The following RRM2 variants were observed in gnomAD, a reference collection of about 807,000 sequenced individuals.
RRM2 encodes ribonucleoside-diphosphate reductase subunit M2.
RRM2 carries 6 observed loss-of-function variants against 45.9 expected under a neutral mutation model. The ratio of observed to expected loss-of-function variants is 0.13; its 90% CI spans 0.07 to 0.26. The LOEUF (loss-of-function observed/expected upper bound fraction) is 0.26. Ranked by LOEUF, RRM2 falls within the 10% of genes least tolerant of loss-of-function variation. The pLI, the probability that RRM2 is intolerant of heterozygous loss-of-function variation, is 1.00. For missense variants in RRM2, 343 were observed against 489.5 expected (o/e 0.70, Z 2.82); for synonymous variants, 177 against 173.0 (o/e 1.02, Z -0.18).
At chr2:10,122,577 C>A, upstream of RRM2, 1 of 1,443,880 alleles carries the variant, frequency 6.9e-7, no homozygotes, top group Non-Finnish European at 9.1e-7. Context: ...GAAAATCGCG[C>A]GCGGCCCCGC....
chr2:10,192,510 T>C lies in RRM2; in HGVS notation n.483-17801T>C, dbSNP rs1664331519. On this transcript the variant is annotated intron_variant and non_coding_transcript_variant, in intron 3 of 3. Transcript: ENST00000381786. ...CTGCCGGGCTGCGAGCCCTGCCCAC[T>C]TGTGACCAGGGTTTTCAATCCCCTG... 1.9e-5 allele frequency: 3 copies of C among 154,534 alleles called. No individual in the cohort carries two copies. In the Admixed American group the frequency reaches 2.0e-4, roughly 10 times the overall value. The allele number at this position is 154,534 out of a possible 1,614,324, so 9.6% of individuals were successfully genotyped here. A position where few individuals can be genotyped will look rare whatever the true frequency, so the allele number is the denominator to read the frequency against.
In RRM2 at chr2:10,185,207, T is replaced by A. The variant is rs1664138765; in HGVS notation, n.483-25104T>A. ...ACGCAGAGGAGAATCAGTATGCAGC[T>A]GTTAATTTTGGCTGCTGACTCCAGG... is the stretch of plus-strand genomic sequence containing the variant. On this transcript the variant is annotated intron_variant and non_coding_transcript_variant, in intron 3 of 3. Transcript: ENST00000381786. This position sits in a 1 kb window ranked among gnomAD's most constrained non-coding sequence, Gnocchi z 4.3. 6.6e-6 allele frequency among the ~76,000 whole-genome samples: 1 copy of A among 152,148 alleles called. No individual in the cohort carries two copies. The highest frequency in any genetic ancestry group is 1.9e-4 in the East Asian group (1 of 5,198).
At chr2:10,146,167 G>A (rs1230593874) in intron 3 of RRM2, 2 of 152,250 alleles carry the variant, frequency 1.3e-5, no homozygotes, top group Non-Finnish European at 2.9e-5. Flanking sequence ...GCGACCTTGA[G>A]GCTCAGGGAG....
At chr2:10,166,630 C>T (rs1370111049) in intron 3 of RRM2, among the ~76,000 whole-genome samples, 2 of 152,236 alleles carry the variant, frequency 1.3e-5, no homozygotes, top group African/African-American at 2.4e-5. Context: ...GGCCCGTCTG[C>T]GATGCGTAGC....
chr2:10,161,773 G>A (rs1269639267), intron 3 of RRM2, among the ~76,000 whole-genome samples: 11 of 152,138 alleles, frequency 7.2e-5, no homozygotes, highest in South Asian at 6.2e-4. Flanking sequence ...GAAGAACAAC[G>A]GGCATTCCTG....
chr2:10,198,119 G>C (rs1664451932), intron 3 of RRM2, among the ~76,000 whole-genome samples: 1 of 152,168 alleles, frequency 6.6e-6, no homozygotes, highest in South Asian at 2.1e-4. Context: ...CCTCTCCCCT[G>C]TATGTACCGC....
intron 5 of RRM2, 112 bp downstream of exon 5, chr2:10,124,962 AT>A: frequency 2.0e-6 from 2 of 993,314 alleles, no homozygotes; most frequent in Admixed American, 4.8e-5. Flanking sequence ...TAAGACAGTC[AT>A]AGGCATTCCC....
intron 3 of RRM2, among the ~76,000 whole-genome samples, chr2:10,175,728 C>A (rs901995600): frequency 1.3e-5 from 2 of 152,076 alleles, no homozygotes; most frequent in African/African-American, 4.8e-5. Flanking sequence ...CTCTGAGTAG[C>A]TGGGATTACA....
chr2:10,178,865 G>A (rs536226924), intron 3 of RRM2, among the ~76,000 whole-genome samples: 1 of 152,172 alleles, frequency 6.6e-6, no homozygotes, highest in African/African-American at 2.4e-5. Context: ...AGAGGTGAAG[G>A]GAGTGCCACT....
chr2:10,174,324 G>T (rs78506841), intron 3 of RRM2, among the ~76,000 whole-genome samples: 3,819 of 152,220 alleles, frequency 0.025, 166 homozygotes, highest in African/African-American at 0.087. Flanking sequence ...AATTTGAGGA[G>T]CTCCTCAGTG....
intron 3 of RRM2, among the ~76,000 whole-genome samples, chr2:10,168,042 T>G (rs558584303): frequency 6.6e-6 from 1 of 151,504 alleles, no homozygotes; most frequent in Admixed American, 6.6e-5. Flanking sequence ...TTCTGTTTTT[T>G]TTTTTTTTTT....
chr2:10,156,567 G>T (rs935079897), intron 3 of RRM2, among the ~76,000 whole-genome samples: 2 of 152,238 alleles, frequency 1.3e-5, no homozygotes, highest in Non-Finnish European at 2.9e-5. Context: ...GAACAGAGGT[G>T]CAAAAGCTAG....
chr2:10,177,983 GC>G (rs1239380434), intron 3 of RRM2, among the ~76,000 whole-genome samples: 1 of 149,680 alleles, frequency 6.7e-6, no homozygotes, highest in African/African-American at 2.5e-5. Context: ...GTGCAGTGGC[GC>G]GATCTCGGCT....
chr2:10,192,757 C>A (rs575451039), intron 3 of RRM2: 3,009 of 153,318 alleles, frequency 0.02, 109 homozygotes, highest in African/African-American at 0.069. Flanking sequence ...TCCACCCCCC[C>A]CTGCTGCCAC....
chr2:10,157,755 T>A (rs541632774), intron 3 of RRM2, among the ~76,000 whole-genome samples: 26 of 152,324 alleles, frequency 1.7e-4, no homozygotes, highest in Non-Finnish European at 3.1e-4. Context: ...ATTTCATTTT[T>A]AAAATTATGA....
chr2:10,147,261 A>G (rs1050063913), intron 3 of RRM2, among the ~76,000 whole-genome samples: 1 of 151,168 alleles, frequency 6.6e-6, no homozygotes. Context: ...TAGTTTCTTT[A>G]TTTAAAGATA....
intron 3 of RRM2, among the ~76,000 whole-genome samples, chr2:10,151,619 A>C (rs1663314053): frequency 6.6e-6 from 1 of 152,142 alleles, no homozygotes; most frequent in Admixed American, 6.6e-5. Context: ...GAGGAGGTGC[A>C]TAGGAGCAGA....
intron 3 of RRM2, among the ~76,000 whole-genome samples, chr2:10,150,368 A>C (rs1421884902): frequency 6.6e-6 from 1 of 151,398 alleles, no homozygotes; most frequent in Non-Finnish European, 1.5e-5. Context: ...AATCGCTTGA[A>C]TCTGGGAGGT....
chr2:10,177,430 T>G (rs1318082857), intron 3 of RRM2, among the ~76,000 whole-genome samples: 1 of 152,198 alleles, frequency 6.6e-6, no homozygotes, highest in African/African-American at 2.4e-5. Context: ...ACAGAGAGAT[T>G]CAGTGCACCT....
Sources: gnomAD v4.1 joint callset for allele counts (sites outside exome capture counted in the v4.1 genomes callset) on GRCh38, gnomAD v4.1.1 for gene constraint, Gnocchi (gnomAD v3.1) non-coding constraint, MANE v1.5 for transcripts, NCBI Gene and HGNC (gene_info 2026-07-23, HGNC 2026-07-21) for gene names.